Variants in POU3F3 observed in about 807,000 individuals in gnomAD.
POU3F3 encodes POU class 3 homeobox 3.
A neutral mutation model predicts 8.6 loss-of-function variants in POU3F3; 1 was observed. The ratio of observed to expected loss-of-function variants is 0.12; its 90% CI spans 0.04 to 0.55. POU3F3 has a LOEUF of 0.55. Ranked by LOEUF, POU3F3 falls within the 20% of genes least tolerant of loss-of-function variation. The pLI is 0.91. For synonymous variants in POU3F3, 418 were observed against 327.4 expected (o/e 1.28, Z -2.99); for missense variants, 577 against 690.7 (o/e 0.84, Z 1.84).
At chr2:104,879,942 A>G in the POU3F3 span, among the ~76,000 whole-genome samples, 3 of 152,178 alleles carry the variant, frequency 2.0e-5, no homozygotes, top group Non-Finnish European at 4.4e-5. Context: ...GATCTACTAT[A>G]CGATAGAATA....
the POU3F3 span, among the ~76,000 whole-genome samples, chr2:104,921,740 G>A: frequency 4.9e-4 from 74 of 152,306 alleles, no homozygotes; most frequent in African/African-American, 1.7e-3. Context: ...GCTCATGCCT[G>A]TAATCCCAGC....
downstream of POU3F3, among the ~76,000 whole-genome samples, chr2:104,863,339 G>A (rs1189878889): frequency 6.6e-6 from 1 of 152,014 alleles, no homozygotes; most frequent in Admixed American, 6.5e-5. Flanking sequence ...AAGTTTCCCT[G>A]GAAGGTTGAG....
At chr2:104,861,892 C>A (rs1314902251), downstream of POU3F3, among the ~76,000 whole-genome samples, 1 of 152,164 alleles carries the variant, frequency 6.6e-6, no homozygotes, top group Non-Finnish European at 1.5e-5. Context: ...AGGATCCTCA[C>A]GGTAGGCTTG....
chr2:104,855,680 C>T lies in POU3F3; in HGVS notation c.170C>T (p.Ala57Val), dbSNP rs1323726638. The T allele has an allele frequency of 8.6e-7, 1 of 1,161,790 alleles. No individual in the cohort carries two copies. The highest frequency in any genetic ancestry group is 6.6e-5 in the East Asian group (1 of 15,242). 72.0% of individuals were successfully genotyped at this position (1,161,790 alleles called of 1,614,324 possible). ...GGGGMQPGSA[A>V]VTSGAYRGDP... ...GGCGGCATGCAGCCGGGCAGCGCCG[C>T]CGTGACCTCGGGCGCCTACCGGGGG... Residue 57 changes from alanine (A) to valine (V), a missense_variant, in exon 1 of 1, where the codon GCC becomes GTC. Coordinates refer to ENST00000361360, the MANE Select transcript of POU3F3 (RefSeq NM_006236.3).
At chr2:104,890,326 A>G in the POU3F3 span, among the ~76,000 whole-genome samples, 3 of 151,576 alleles carry the variant, frequency 2.0e-5, no homozygotes, top group Admixed American at 6.6e-5. Flanking sequence ...TTTTTGCCCA[A>G]TAAATTCTGC....
In POU3F3 at chr2:104,855,923, A is replaced by AGCCGCC. The variant is rs771043661; in HGVS notation, c.420_425dup (p.Pro143_Pro144dup). ...GCTGGCAGCCCCCAGCAGCCACCGC[A>AGCCGCC]GCCGCCGCCGCCACCGCCGCAGGGC... On this transcript the variant is annotated inframe_insertion, in exon 1 of 1. Coordinates refer to ENST00000361360, the MANE Select transcript of POU3F3 (RefSeq NM_006236.3). 9.5e-7 allele frequency: 1 copy of AGCCGCC among 1,057,672 alleles called. No individual in the cohort carries two copies. The highest frequency in any genetic ancestry group is 1.1e-6 in the Non-Finnish European group (1 of 878,042). The allele number at this position is 1,057,672 out of a possible 1,614,324, so 65.5% of individuals were successfully genotyped here.
At chr2:104,859,904 A>C (rs534788228), downstream of POU3F3, among the ~76,000 whole-genome samples, 104 of 152,158 alleles carry the variant, frequency 6.8e-4, no homozygotes, top group South Asian at 0.02. Flanking sequence ...GTGGGGGAGA[A>C]GTTCACCATT....
chr2:104,903,800 A>G, the POU3F3 span, among the ~76,000 whole-genome samples: 1 of 152,198 alleles, frequency 6.6e-6, no homozygotes, highest in South Asian at 2.1e-4. Context: ...AAGAAGCTCT[A>G]CGGGTTCTTG....
rs1284820771 is a variant in POU3F3 at position 104,855,400 on chromosome 2, A to AGGAGGCG, written c.-101_-95dup. On this transcript the variant is annotated 5_prime_UTR_variant, in exon 1 of 1. Coordinates refer to ENST00000361360, the MANE Select transcript of POU3F3 (RefSeq NM_006236.3). The stretch of plus-strand genomic sequence containing the variant: ...GGCGGGGGCGGGGAAGGAGGGGGGG[A>AGGAGGCG]GGAGGCGGGAGGCGGGGGGCGCGGC... 40 of 152,728 alleles carry AGGAGGCG rather than the reference A, an allele frequency of 2.6e-4. No homozygotes were observed. Among genetic ancestry groups the AGGAGGCG allele is most frequent in the Admixed American group, 1.2e-3 (1 of 806 alleles). The allele number at this position is 152,728 out of a possible 1,614,324, so 9.5% of individuals were successfully genotyped here. A position where few individuals can be genotyped will look rare whatever the true frequency, so the allele number is the denominator to read the frequency against.
At chr2:104,917,061 C>A in the POU3F3 span, among the ~76,000 whole-genome samples, 1 of 152,196 alleles carries the variant, frequency 6.6e-6, no homozygotes, top group Non-Finnish European at 1.5e-5. Context: ...TCTTCTTCTG[C>A]CCTCAGTCAC....
chr2:104,871,922 G>C, the POU3F3 span, among the ~76,000 whole-genome samples: 1 of 152,068 alleles, frequency 6.6e-6, no homozygotes, highest in Non-Finnish European at 1.5e-5. Flanking sequence ...GCAGGAAGAG[G>C]GTCAGCGACG....
chr2:104,902,487 C>T, the POU3F3 span, among the ~76,000 whole-genome samples: 35 of 152,104 alleles, frequency 2.3e-4, no homozygotes, highest in South Asian at 3.3e-3. Context: ...GAAACAATAC[C>T]CTGGCTGATT....
the POU3F3 span, among the ~76,000 whole-genome samples, chr2:104,910,918 TAAC>T: frequency 6.6e-6 from 1 of 152,112 alleles, no homozygotes; most frequent in Non-Finnish European, 1.5e-5. Context: ...AAATATAGTA[TAAC>T]AACAACTTAC....
At chr2:104,922,122 C>T in the POU3F3 span, among the ~76,000 whole-genome samples, 1 of 152,120 alleles carries the variant, frequency 6.6e-6, no homozygotes, top group African/African-American at 2.4e-5. Context: ...ATCCCTGGTA[C>T]AGAGACAGCT....
At chr2:104,903,964 G>T in the POU3F3 span, among the ~76,000 whole-genome samples, 6 of 152,208 alleles carry the variant, frequency 3.9e-5, no homozygotes, top group African/African-American at 1.4e-4. Context: ...GAGTTGAAAT[G>T]ATTGGAAGTC....
In POU3F3 at chr2:104,856,695, A is replaced by G; in HGVS notation, c.1185A>G (p.Thr395=). 1 of 1,614,092 alleles carries G rather than the reference A, an allele frequency of 6.2e-7. No homozygotes were observed. The highest frequency in any genetic ancestry group is 8.5e-7 in the Non-Finnish European group (1 of 1,180,008). The change falls in exon 1 of 1, where the codon ACA becomes ACG. Residue 395 remains threonine (T), a synonymous_variant. Transcript: ENST00000361360. ...CGGACTCAAGCACCGGCAGCCCCAC[A>G]AGCATCGACAAGATCGCGGCGCAGG... is the stretch of plus-strand genomic sequence containing the variant. ...EEADSSTGSP[T]SIDKIAAQGR...
chr2:104,866,216 TGG>T, the POU3F3 span: 1 of 152,114 alleles, frequency 6.6e-6, no homozygotes, highest in African/African-American at 2.4e-5. Flanking sequence ...CCAAGCAGTC[TGG>T]GGGAATAGAA....
In POU3F3 at chr2:104,856,614, G is replaced by T. The variant is rs1676572286; in HGVS notation, c.1104G>T (p.Leu368=). The part of the protein sequence containing the change: ...TTICRFEALQ[L]SFKNMCKLKP... ...TCTGCCGCTTCGAGGCCCTGCAGCT[G>T]AGCTTCAAGAACATGTGCAAGCTCA... The change falls in exon 1 of 1, where the codon CTG becomes CTT. Residue 368 remains leucine, a synonymous_variant. Transcript: ENST00000361360. 9.9e-6 allele frequency: 16 copies of T among 1,614,084 alleles called. No homozygotes were observed. The highest frequency in any genetic ancestry group is 1.4e-5 in the Non-Finnish European group (16 of 1,180,046).
At chr2:104,925,415 G>A in the POU3F3 span, among the ~76,000 whole-genome samples, 1 of 152,282 alleles carries the variant, frequency 6.6e-6, no homozygotes, top group Middle Eastern at 3.4e-3. Context: ...AAGAAAATGA[G>A]TAGGTAAGAA....
Sources: allele counts gnomAD v4.1 joint callset (sites outside exome capture counted in the v4.1 genomes callset), GRCh38; gene constraint gnomAD v4.1.1; transcripts MANE v1.5; gene names NCBI Gene and HGNC (gene_info 2026-07-23, HGNC 2026-07-21).